The following RFX4 variants were observed in gnomAD, a reference collection of about 807,000 sequenced individuals.
RFX4 encodes the protein regulatory factor X4, also known as transcription factor RFX4.
A neutral mutation model predicts 95.0 loss-of-function variants in RFX4; 10 were observed. That is an observed-to-expected ratio of 0.11 (90% CI 0.06 to 0.18). The LOEUF is 0.18. RFX4 is among the 10% of genes least tolerant of loss of function. The pLI, the probability that RFX4 is intolerant of heterozygous loss-of-function variation, is 1.00. For missense variants in RFX4, 640 were observed against 922.0 expected, an observed-to-expected ratio of 0.69 and a Z score of 3.96; for synonymous variants, 321 against 340.7, an observed-to-expected ratio of 0.94 and a Z score of 0.64.
Position 106,732,955 on chromosome 12 carries a change from G to C in RFX4, c.1503G>C (p.Glu501Asp), listed in dbSNP as rs752272678. Residue 501 changes from glutamate to aspartate, a missense_variant, in exon 15 of 18, where the codon GAG becomes GAC. Glu to Asp is a conservative substitution (Grantham distance 45). This residue lies in a region of RFX4 where 300 missense variants were observed against 346.8 expected (regional missense o/e 0.87). Coordinates refer to ENST00000392842, the MANE Select transcript of RFX4 (RefSeq NM_213594.3). ...AEVREEIILT[E>D]AAAPTPSPVP... is the part of the protein sequence containing the mutation. ...TCCGAGAAGAGATCATCTTGACAGA[G>C]GCTGCCGCACCAACCCCTTCACCAG... 3 of 1,613,956 alleles carry C rather than the reference G, an allele frequency of 1.9e-6. No individual in the cohort carries two copies. The highest frequency in any genetic ancestry group is 1.7e-5 in the Admixed American group (1 of 59,992).
chr12:106,594,311 C>T (rs1029501764), intron 1 of RFX4, among the ~76,000 whole-genome samples: 9 of 152,144 alleles, frequency 5.9e-5, no homozygotes, highest in African/African-American at 1.7e-4. Context: ...TCTAAAGCGT[C>T]GAGCGGTTGT....
At chr12:106,731,247 A>G (rs1475528861) in intron 13 of RFX4, among the ~76,000 whole-genome samples, 1 of 152,216 alleles carries the variant, frequency 6.6e-6, no homozygotes, top group Non-Finnish European at 1.5e-5. Flanking sequence ...CCGAAGGTGC[A>G]CCATTCCACT....
rs952770146 is a variant in RFX4, at chr12:106,614,167, C to CT, written c.130+5295dup. ...TCTTTTGTGAATTACCTCTTCATGT[C>CT]TTTTTTTTTTTGAGTCGGAGTCTCA... is the stretch of plus-strand genomic sequence containing the variant. On this transcript the variant is annotated intron_variant, in intron 2 of 17. Coordinates refer to ENST00000392842, the MANE Select transcript of RFX4 (RefSeq NM_213594.3). 5.8e-3 allele frequency among the ~76,000 whole-genome samples: 843 copies of CT among 146,388 alleles called. 7 individuals are homozygous for CT. Among genetic ancestry groups the CT allele is most frequent in the African/African-American group, 0.018 (723 of 40,230 alleles).
chr12:106,722,529 G>C (rs1229999455), intron 13 of RFX4, among the ~76,000 whole-genome samples: 1 of 152,126 alleles, frequency 6.6e-6, no homozygotes, highest in Non-Finnish European at 1.5e-5. Context: ...TAAGAAATAT[G>C]GTTCCTTGAA....
rs2042380947 is a variant in RFX4 at position 106,720,704 on chromosome 12, A to G, written c.1234-55A>G. On this transcript the variant is annotated intron_variant, in intron 12 of 17. Transcript: ENST00000392842. The surrounding 1 kb of genome is among the most constrained non-coding windows in gnomAD (Gnocchi z 4.2). ...AACCGGCCTCATTTTTCAAAGAGAC[A>G]GTAATAAATGAAAGGTCAAGTCGAC... 4 of 1,527,594 alleles carry G rather than the reference A, an allele frequency of 2.6e-6. No individual in the cohort carries two copies. Among genetic ancestry groups the G allele is most frequent in the Non-Finnish European group, 2.7e-6 (3 of 1,101,770 alleles). 94.6% of individuals were successfully genotyped at this position (1,527,594 alleles called of 1,614,324 possible). A position where few individuals can be genotyped will look rare whatever the true frequency, so the allele number is the denominator to read the frequency against.
At chr12:106,607,038 A>G (rs2039850325) in intron 1 of RFX4, among the ~76,000 whole-genome samples, 1 of 152,208 alleles carries the variant, frequency 6.6e-6, no homozygotes, top group Non-Finnish European at 1.5e-5. Flanking sequence ...TGAGGACTCA[A>G]TGAAATAACT....
chr12:106,746,789 T>G (rs1332609189), intron 15 of RFX4, among the ~76,000 whole-genome samples: 1 of 152,218 alleles, frequency 6.6e-6, no homozygotes, highest in African/African-American at 2.4e-5. Flanking sequence ...ACCTGTTGAG[T>G]TGAGCGCTGA....
At position 106,746,421 on chromosome 12, in the gene RFX4, A is replaced by G. The variant is rs2042896753; in HGVS notation, c.1634-1016A>G. Among the ~76,000 whole-genome samples, 2 of 151,690 alleles carry G rather than the reference A, an allele frequency of 1.3e-5. 1 individual carries two copies. The highest frequency in any genetic ancestry group is 4.2e-4 in the South Asian group (2 of 4,816). On this transcript the variant is annotated intron_variant, in intron 15 of 17. Coordinates refer to ENST00000392842, the MANE Select transcript of RFX4 (RefSeq NM_213594.3). ...GTGGTACATACCTGTAGTTCCAACT[A>G]CTTGGGAGGCTAAGGGGGAAGGATC...
chr12:106,639,342 A>G lies in RFX4; in HGVS notation c.141A>G (p.Lys47=). ...GNVSNDENEE[K]ENNRASKPHS... is the part of the protein sequence containing the mutation. ...TCTTTCCTTTAACAGATGAGGAAAAAGAAAATAATAGAGCATCCAAGCCCC... is the reference window on the plus strand; with the variant it reads ...TCTTTCCTTTAACAGATGAGGAAAAGGAAAATAATAGAGCATCCAAGCCCC... Residue 47 remains lysine, a synonymous_variant, in exon 3 of 18, where the codon AAA becomes AAG. Coordinates refer to ENST00000392842, the MANE Select transcript of RFX4 (RefSeq NM_213594.3). 6.2e-7 allele frequency: 1 copy of G among 1,613,450 alleles called. No individual in the cohort carries two copies. Among genetic ancestry groups the G allele is most frequent in the South Asian group, 1.1e-5 (1 of 90,882 alleles).
intron 1 of RFX4, among the ~76,000 whole-genome samples, chr12:106,588,288 T>C (rs2039492553): frequency 6.6e-6 from 1 of 152,226 alleles, no homozygotes; most frequent in African/African-American, 2.4e-5. Flanking sequence ...CCTTAATTGT[T>C]TGGCCAACTC....
At chr12:106,732,303 T>G in intron 14 of RFX4, 54 bp downstream of exon 14, 2 of 1,603,512 alleles carry the variant, frequency 1.2e-6, no homozygotes, top group Non-Finnish European at 1.7e-6. Context: ...ATTTGTATCC[T>G]TACTTCTGTG....
intron 1 of RFX4, among the ~76,000 whole-genome samples, chr12:106,599,771 C>T (rs1273532392): frequency 2.6e-5 from 4 of 151,996 alleles, no homozygotes. Context: ...CCTCTAGCGG[C>T]CTCCTACAGA....
At position 106,620,373 on chromosome 12, in the gene RFX4, T is replaced by C. The variant is rs191816655; in HGVS notation, c.130+11490T>C. Among the ~76,000 whole-genome samples the C allele has an allele frequency of 3.3e-5, 5 of 152,234 alleles. No individual in the cohort carries two copies. The South Asian group carries it at 8.3e-4, about 25-fold the overall frequency. On this transcript the variant is annotated intron_variant, in intron 2 of 17. Transcript: ENST00000392842. ...TACAGCTGGGCCACTGGGGGTGACA[T>C]CACATATCGGTAGGACCGTGATGCC...
rs1464417487 is a variant in RFX4 at position 106,586,175 on chromosome 12, G to A, written c.43+2812G>A. 2.6e-5 allele frequency among the ~76,000 whole-genome samples: 4 copies of A among 152,148 alleles called. No individual in the cohort carries two copies. The highest frequency in any genetic ancestry group is 5.9e-5 in the Non-Finnish European group (4 of 68,024). ...CCGCGGTGCTCCGGCAGGAGGCAAA[G>A]GCGACAGGCGCGCGCAGGGGCAGTC... is the stretch of plus-strand genomic sequence containing the variant. On this transcript the variant is annotated intron_variant, in intron 1 of 17. Transcript: ENST00000392842. The surrounding 1 kb of genome is among the most constrained non-coding windows in gnomAD (Gnocchi z 5.6).
At chr12:106,685,505 G>A (rs909340652) in intron 5 of RFX4, among the ~76,000 whole-genome samples, 1 of 152,174 alleles carries the variant, frequency 6.6e-6, no homozygotes, top group Non-Finnish European at 1.5e-5. Flanking sequence ...CTCAGTACCA[G>A]AGATCTCAAA....
chr12:106,631,070 T>C (rs1339026538), intron 2 of RFX4, among the ~76,000 whole-genome samples: 1 of 152,238 alleles, frequency 6.6e-6, no homozygotes, highest in Non-Finnish European at 1.5e-5. Context: ...TCATTAGGCC[T>C]AACATTGATT....
intron 1 of RFX4, among the ~76,000 whole-genome samples, chr12:106,587,144 G>A (rs1170882481): frequency 1.3e-5 from 2 of 152,248 alleles, no homozygotes; most frequent in East Asian, 3.9e-4. Flanking sequence ...CGCAGGCTGG[G>A]TCCTCGGAGT....
chr12:106,742,575 C>T (rs1017181615), intron 15 of RFX4, among the ~76,000 whole-genome samples: 2 of 152,160 alleles, frequency 1.3e-5, no homozygotes, highest in Non-Finnish European at 2.9e-5. Flanking sequence ...GGTTCACAGA[C>T]CAACCACATT....
chr12:106,649,241 T>C (rs1355104489), intron 3 of RFX4, among the ~76,000 whole-genome samples: 1 of 152,184 alleles, frequency 6.6e-6, no homozygotes, highest in Non-Finnish European at 1.5e-5. Context: ...CATGCTTTGG[T>C]CAGGGAAGTG....
Sources: allele counts gnomAD v4.1 joint callset (sites outside exome capture counted in the v4.1 genomes callset), GRCh38; gene constraint gnomAD v4.1.1; regional missense constraint gnomAD v4.1.1; non-coding constraint Gnocchi (gnomAD v3.1); transcripts MANE v1.5; gene names NCBI Gene and HGNC (gene_info 2026-07-23, HGNC 2026-07-21).